Variants in IL16 observed in about 807,000 individuals in gnomAD.
The protein encoded by IL16 is interleukin 16.
In IL16, 67 loss-of-function variants were observed where a neutral mutation model predicts 110.1. The ratio of observed to expected loss-of-function variants is 0.61; its 90% CI spans 0.50 to 0.75. The LOEUF (loss-of-function observed/expected upper bound fraction) is 0.75. IL16 is among the 30% of genes least tolerant of loss of function. The probability of loss-of-function intolerance (pLI) is 0.00; values close to 1 mark genes in which losing one functional copy is unlikely to be tolerated. For synonymous variants in IL16, 689 were observed against 662.9 expected (o/e 1.04, Z -0.61); for missense variants, 1,545 against 1,655.0 (o/e 0.93, Z 1.15).
intron 2 of IL16, among the ~76,000 whole-genome samples, chr15:81,227,324 T>G (rs1896822326): frequency 6.6e-6 from 1 of 152,162 alleles, no homozygotes; most frequent in African/African-American, 2.4e-5. Flanking sequence ...GATAAGGGGA[T>G]AGAGAGTGAT....
At chr15:81,297,665 C>T (rs1900054937) in intron 13 of IL16, among the ~76,000 whole-genome samples, 1 of 152,126 alleles carries the variant, frequency 6.6e-6, no homozygotes, top group African/African-American at 2.4e-5. Flanking sequence ...ACCTACTTTG[C>T]CTTTCTGAGC....
At position 81,303,708 on chromosome 15, in the gene IL16, G is replaced by T. The variant is rs1265662464; in HGVS notation, c.3420+58G>T. On this transcript the variant is annotated intron_variant, in intron 16 of 18. Coordinates refer to ENST00000683961, the MANE Select transcript of IL16 (RefSeq NM_172217.5). This position sits in a 1 kb window ranked among gnomAD's most constrained non-coding sequence, Gnocchi z 4.1. ...CAGAGGCAATGGTTCTGGGGGAGGG[G>T]GACACACTTGCCAGGAAGGGGCCCT... The T allele has an allele frequency of 4.3e-6, 5 of 1,153,096 alleles. No homozygotes were observed. The highest frequency in any genetic ancestry group is 3.9e-6 in the Non-Finnish European group (3 of 762,958). The allele number at this position is 1,153,096 out of a possible 1,614,324, so 71.4% of individuals were successfully genotyped here.
In IL16 at chr15:81,282,673, C is replaced by T. The variant is rs143808111; in HGVS notation, c.1116C>T (p.Ser372=). The T allele has an allele frequency of 2.2e-3, 3,481 of 1,613,894 alleles. 5 individuals carry two copies. The highest frequency in any genetic ancestry group is 7.9e-3 in the Middle Eastern group (47 of 5,944). Residue 372 remains serine (S), a synonymous_variant, in exon 9 of 19, where the codon AGC becomes AGT. Transcript: ENST00000683961. ...TGGGCCTGGGCATCGGCCTGTGCAG[C>T]GTTCCCTACTTCCAATGCATCTCTG... ...AGVGLGIGLC[S]VPYFQCISGI...
Position 81,282,626 on chromosome 15 carries a change from G to C in IL16, c.1082-13G>C, listed in dbSNP as rs1180962148. ...AGTCCCGGTCTCCCCACCCCGCCCTGTTCTGCTTCCAGAGGCCGGCGTGGG... is the reference window on the plus strand; with the variant it reads ...AGTCCCGGTCTCCCCACCCCGCCCTCTTCTGCTTCCAGAGGCCGGCGTGGG... On this transcript the variant is annotated splice_polypyrimidine_tract_variant and intron_variant, in intron 8 of 18. Transcript: ENST00000683961. 4 of 1,606,604 alleles carry C rather than the reference G, an allele frequency of 2.5e-6. No homozygotes were observed. Among genetic ancestry groups the C allele is most frequent in the Admixed American group, 1.7e-5 (1 of 60,014 alleles).
chr15:81,204,076 T>A (rs1595943140), intron 1 of IL16, among the ~76,000 whole-genome samples: 1 of 151,990 alleles, frequency 6.6e-6, no homozygotes, highest in Middle Eastern at 3.4e-3. Flanking sequence ...TTTATTCTCT[T>A]TGAAGCAATT....
At chr15:81,232,054 T>C (rs28865883) in intron 2 of IL16, among the ~76,000 whole-genome samples, 1 of 133,544 alleles carries the variant, frequency 7.5e-6, no homozygotes, top group Non-Finnish European at 1.5e-5. Context: ...TTTTTTTTTT[T>C]TTTTTTTTTT....
At position 81,312,451 on chromosome 15, in the gene IL16, C is replaced by G. The variant is rs1243691850; in HGVS notation, c.*3653C>G. The G allele has an allele frequency of 6.6e-6, 1 of 152,258 alleles. No individual in the cohort carries two copies. The highest frequency in any genetic ancestry group is 2.4e-5 in the African/African-American group (1 of 41,442). 9.4% of individuals were successfully genotyped at this position (152,258 alleles called of 1,614,324 possible). A position where few individuals can be genotyped will look rare whatever the true frequency, so the allele number is the denominator to read the frequency against. On this transcript the variant is annotated 3_prime_UTR_variant, in exon 19 of 19. Transcript: ENST00000683961. ...AAGACGACAAGGAAAGGCAAATGCC[C>G]AAGGGAAAGAAAAGGAAGGCTCTTC...
At chr15:81,217,959 G>A (rs903953217) in intron 1 of IL16, among the ~76,000 whole-genome samples, 1 of 152,140 alleles carries the variant, frequency 6.6e-6, no homozygotes, top group Non-Finnish European at 1.5e-5. Context: ...TTCCATTAAT[G>A]TCTGGAAAGA....
At chr15:81,223,572 T>C (rs1195480132) in intron 1 of IL16, among the ~76,000 whole-genome samples, 1 of 152,202 alleles carries the variant, frequency 6.6e-6, no homozygotes, top group East Asian at 1.9e-4. Flanking sequence ...TCACCTAACC[T>C]CTCTGTGCCT....
At chr15:81,246,184 G>A (rs74030046) in intron 2 of IL16, among the ~76,000 whole-genome samples, 8,719 of 151,922 alleles carry the variant, frequency 0.057, 907 homozygotes, top group African/African-American at 0.2. Flanking sequence ...AACTCTTTCC[G>A]CAAAGAAGTT....
chr15:81,255,546 G>A lies in IL16; in HGVS notation c.313-4226G>A, dbSNP rs148449808. Reference sequence around the variant, plus strand: ...GAAGGACTCATCTGCATAGCCTTGCGCATGCACAAGAGGCTACACCTCCCT... The same window carrying A: ...GAAGGACTCATCTGCATAGCCTTGCACATGCACAAGAGGCTACACCTCCCT... On this transcript the variant is annotated intron_variant, in intron 2 of 18. Transcript: ENST00000683961. Among the ~76,000 whole-genome samples, 140 of 152,298 alleles carry A rather than the reference G, an allele frequency of 9.2e-4. 1 individual carries two copies. The highest frequency in any genetic ancestry group is 2.9e-3 in the African/African-American group (119 of 41,558).
Position 81,225,465 on chromosome 15 carries a change from C to T in IL16, c.66C>T (p.Ser22=), listed in dbSNP as rs145164115. The T allele has an allele frequency of 2.7e-5, 44 of 1,614,142 alleles. No homozygotes were observed. The African/African-American group carries it at 4.9e-4, about 18-fold the overall frequency. Residue 22 remains serine, a synonymous_variant, in exon 2 of 19, where the codon TCC becomes TCT. Transcript: ENST00000683961. ...CAAAATTTCGGTCCATCTCCAGGTC[C>T]CTGATGCTCTGTAATGCTAAGACCA... ...KSAKFRSISR[S]LMLCNAKTSD...
chr15:81,299,479 C>T lies in IL16; in HGVS notation c.2153C>T (p.Ser718Phe). 1 of 1,614,206 alleles carries T rather than the reference C, an allele frequency of 6.2e-7. No individual in the cohort carries two copies. The highest frequency in any genetic ancestry group is 8.5e-7 in the Non-Finnish European group (1 of 1,180,040). ...TTAEDPWVRI[S>F]DCIKNLFSPI... ...GCCGAAGACCCTTGGGTTAGGATTT[C>T]TGACTGCATCAAAAACTTATTTAGC... The change falls in exon 14 of 19, where the codon TCT (serine) becomes TTT (phenylalanine). Residue 718 changes from serine (S) to phenylalanine (F), a missense_variant. This residue lies in a region of IL16 where 1,185 missense variants were observed against 1,238.8 expected (regional missense o/e 0.96). Transcript: ENST00000683961.
In IL16 at chr15:81,303,649, CGGTGAGT is replaced by C; in HGVS notation, c.3420+2_3420+8del. On this transcript the variant is annotated splice_donor_variant and splice_donor_5th_base_variant and coding_sequence_variant and intron_variant, in exon 16 of 19. Transcript: ENST00000683961. LOFTEE classifies it high-confidence loss of function. This position sits in a 1 kb window ranked among gnomAD's most constrained non-coding sequence, Gnocchi z 4.1. ...GCAGATCTAGAAAACAAGGTGATTACGGTGAGTGGCCAAGTGAAGGGGCATGTCACAG... is the reference window on the plus strand; with the variant it reads ...GCAGATCTAGAAAACAAGGTGATTACGGCCAAGTGAAGGGGCATGTCACAG... The C allele has an allele frequency of 6.3e-7, 1 of 1,599,084 alleles. No homozygotes were observed. The highest frequency in any genetic ancestry group is 8.6e-7 in the Non-Finnish European group (1 of 1,166,336).
chr15:81,205,670 TTAAAA>T (rs1447745230), intron 1 of IL16, among the ~76,000 whole-genome samples: 1 of 151,938 alleles, frequency 6.6e-6, no homozygotes, highest in African/African-American at 2.4e-5. Context: ...AGATTACACA[TTAAAA>T]TAAAAGAGAC....
At chr15:81,208,666 T>C (rs1896124156) in intron 1 of IL16, among the ~76,000 whole-genome samples, 2 of 152,224 alleles carry the variant, frequency 1.3e-5, no homozygotes, top group East Asian at 1.9e-4. Context: ...GCAACTCTTA[T>C]CTCATTGTCT....
At chr15:81,254,734 C>G (rs1897887820) in intron 2 of IL16, among the ~76,000 whole-genome samples, 1 of 152,198 alleles carries the variant, frequency 6.6e-6, no homozygotes, top group Non-Finnish European at 1.5e-5. Flanking sequence ...GAGTTCTGTT[C>G]TGTGTGCTGG....
At chr15:81,207,659 G>A (rs1404587373) in intron 1 of IL16, among the ~76,000 whole-genome samples, 2 of 152,062 alleles carry the variant, frequency 1.3e-5, no homozygotes, top group Non-Finnish European at 1.5e-5. Context: ...TTAGAATTAT[G>A]TGTGGTCTCT....
chr15:81,237,363 C>T (rs756865120), intron 2 of IL16, among the ~76,000 whole-genome samples: 1 of 152,128 alleles, frequency 6.6e-6, no homozygotes, highest in Non-Finnish European at 1.5e-5. Flanking sequence ...TGTGTTTCCA[C>T]CCCCAGTTTA....
Sources: gnomAD v4.1 joint callset for allele counts (sites outside exome capture counted in the v4.1 genomes callset) on GRCh38, gnomAD v4.1.1 for gene constraint, gnomAD v4.1.1 regional missense constraint, Gnocchi (gnomAD v3.1) non-coding constraint, MANE v1.5 for transcripts, NCBI Gene and HGNC (gene_info 2026-07-23, HGNC 2026-07-21) for gene names.